ANLN: variants seen among roughly 807,000 people sequenced by gnomAD.
ANLN encodes the protein anillin.
ANLN carries 59 observed loss-of-function variants against 135.1 expected under a neutral mutation model. That is an observed-to-expected ratio of 0.44 (90% CI 0.35 to 0.54). The LOEUF is 0.54. ANLN is among the 20% of genes least tolerant of loss of function. ANLN has a pLI of 0.00. For missense variants in ANLN, 1,182 were observed against 1,340.0 expected (o/e 0.88, Z 1.84); for synonymous variants, 406 against 456.4 (o/e 0.89, Z 1.41).
At chr7:36,409,521 A>G (rs996844645) in intron 5 of ANLN, among the ~76,000 whole-genome samples, 7 of 152,340 alleles carry the variant, frequency 4.6e-5, no homozygotes, top group Non-Finnish European at 8.8e-5. Flanking sequence ...AGGAAAATAT[A>G]TGCTAATCTT....
Position 36,452,956 on chromosome 7 carries a change from G to T in ANLN, c.*356G>T, listed in dbSNP as rs78095444. Reference sequence around the variant, plus strand: ...GGTCTTGAAGCAGCAACGTCTTTCAGGGGTTGGAGACAGAAACCCATTCTC... The same window carrying T: ...GGTCTTGAAGCAGCAACGTCTTTCATGGGTTGGAGACAGAAACCCATTCTC... On this transcript the variant is annotated 3_prime_UTR_variant, in exon 24 of 24. Coordinates refer to ENST00000265748, the MANE Select transcript of ANLN (RefSeq NM_018685.5). The T allele has an allele frequency of 8.7e-3, 1,434 of 164,190 alleles. 21 individuals carry two copies. Among genetic ancestry groups the T allele is most frequent in the African/African-American group, 0.033 (1,359 of 41,724 alleles). The allele number at this position is 164,190 out of a possible 1,614,324, so 10.2% of individuals were successfully genotyped here. A position where few individuals can be genotyped will look rare whatever the true frequency, so the allele number is the denominator to read the frequency against.
chr7:36,407,107 GT>G (rs1562791659), intron 4 of ANLN, among the ~76,000 whole-genome samples: 1 of 151,988 alleles, frequency 6.6e-6, no homozygotes, highest in Non-Finnish European at 1.5e-5. Flanking sequence ...AAATAATTTC[GT>G]GTTTCTGACC....
chr7:36,398,183 T>TTA (rs1554339364), intron 2 of ANLN, among the ~76,000 whole-genome samples: 5 of 152,002 alleles, frequency 3.3e-5, no homozygotes, highest in East Asian at 1.9e-4. Context: ...TTTTTTTTTT[T>TTA]AATTTTAGGG....
At position 36,423,845 on chromosome 7, in the gene ANLN, A is replaced by G. The variant is rs995952098; in HGVS notation, c.2505A>G (p.Ile835Met). 4.3e-6 allele frequency: 7 copies of G among 1,611,900 alleles called. No individual in the cohort carries two copies. Among genetic ancestry groups the G allele is most frequent in the Non-Finnish European group, 4.2e-6 (5 of 1,179,014 alleles). ...CAGCAAATTACTATTACTTAATTAT[A>G]CTAAAAGCAGGAGCTGAAAATATGG... is the stretch of plus-strand genomic sequence containing the variant. ...PDAANYYYLI[I>M]LKAGAENMVA... Residue 835 changes from isoleucine to methionine, a missense_variant, in exon 15 of 24, where the codon ATA becomes ATG. This residue lies in a region of ANLN where 1,022 missense variants were observed against 1,134.0 expected (regional missense o/e 0.90). Transcript: ENST00000265748.
chr7:36,397,566 C>T (rs886703230), intron 2 of ANLN, among the ~76,000 whole-genome samples: 1 of 151,480 alleles, frequency 6.6e-6, no homozygotes, highest in South Asian at 2.1e-4. Flanking sequence ...GAAAATAGAT[C>T]GATAAGTGAG....
At chr7:36,444,073 T>C (rs1788889798) in intron 22 of ANLN, among the ~76,000 whole-genome samples, 1 of 152,192 alleles carries the variant, frequency 6.6e-6, no homozygotes, top group South Asian at 2.1e-4. Context: ...GCAGATCACC[T>C]GAGGTCAGGA....
intron 21 of ANLN, 118 bp downstream of exon 21, chr7:36,439,408 G>A (rs1210230547): frequency 1.6e-6 from 1 of 632,244 alleles, no homozygotes; most frequent in Non-Finnish European, 2.7e-6. Context: ...GTAAAGATTT[G>A]TTTTATGTCC....
Position 36,427,751 on chromosome 7 carries a change from C to T in ANLN, c.2883+723C>T, listed in dbSNP as rs73332646. ...GATTAACCTCTTAGAAAAGTACTTA[C>T]GAATCTAAGAGATTTCCTTCTCATA... is the stretch of plus-strand genomic sequence containing the variant. On this transcript the variant is annotated intron_variant, in intron 20 of 23. Transcript: ENST00000265748. Among the ~76,000 whole-genome samples, 447 of 152,264 alleles carry T rather than the reference C, an allele frequency of 2.9e-3. 1 individual carries two copies. The highest frequency in any genetic ancestry group is 0.01 in the African/African-American group (421 of 41,562).
intron 8 of ANLN, 103 bp downstream of exon 8, chr7:36,415,987 G>A (rs979028412): frequency 1.0e-4 from 100 of 1,002,768 alleles, no homozygotes; most frequent in African/African-American, 1.7e-4. Flanking sequence ...TTGTTCTAAC[G>A]TTTTTTGGGG....
chr7:36,430,865 G>A (rs1186199146), intron 20 of ANLN, among the ~76,000 whole-genome samples: 2 of 152,076 alleles, frequency 1.3e-5, no homozygotes, highest in Non-Finnish European at 2.9e-5. Flanking sequence ...TGTCTTAAAA[G>A]ACTCCTTTGT....
At chr7:36,427,175 G>T in intron 20 of ANLN, 147 bp downstream of exon 20, 1 of 504,682 alleles carries the variant, frequency 2.0e-6, no homozygotes, top group Non-Finnish European at 3.5e-6. Flanking sequence ...TGCTAGGTAT[G>T]AGTGTACCTA....
chr7:36,421,872 A>G lies in ANLN; in HGVS notation c.2179A>G (p.Ile727Val), dbSNP rs1397899423. Residue 727 changes from isoleucine (I) to valine (V), a missense_variant, in exon 13 of 24, where the codon ATA becomes GTA. Coordinates refer to ENST00000265748, the MANE Select transcript of ANLN (RefSeq NM_018685.5). ...GTTTTCCTAGGAACTCAATAACGAA[A>G]TAAATATGCAACAGACAGTGATCTA... Reference protein sequence around the residue: ...KQKMQELNNEINMQQTVIYQA... With the variant: ...KQKMQELNNEVNMQQTVIYQA... 1 of 1,608,384 alleles carries G rather than the reference A, an allele frequency of 6.2e-7. No individual in the cohort carries two copies. Among genetic ancestry groups the G allele is most frequent in the Non-Finnish European group, 8.5e-7 (1 of 1,177,850 alleles).
At chr7:36,400,369 T>C (rs1786893181) in intron 3 of ANLN, among the ~76,000 whole-genome samples, 1 of 151,550 alleles carries the variant, frequency 6.6e-6, no homozygotes, top group Non-Finnish European at 1.5e-5. Flanking sequence ...TTTTCTTTTC[T>C]TTTTTTTTGA....
intron 1 of ANLN, among the ~76,000 whole-genome samples, chr7:36,391,543 C>T (rs1002253532): frequency 2.0e-5 from 3 of 152,230 alleles, no homozygotes; most frequent in African/African-American, 7.2e-5. Context: ...GCTTAGACGT[C>T]TTTTCCTTAA....
Position 36,407,726 on chromosome 7 carries a change from T to C in ANLN, c.874-8T>C, listed in dbSNP as rs1351320018. The C allele has an allele frequency of 2.5e-6, 4 of 1,578,918 alleles. No homozygotes were observed. The highest frequency in any genetic ancestry group is 2.6e-6 in the Non-Finnish European group (3 of 1,157,818). ...ATGTTGTTTACCCTAAGTGTTTTCATGTTTCAGAAAGCTACTTCTCCAGTG... is the reference window on the plus strand; with the variant it reads ...ATGTTGTTTACCCTAAGTGTTTTCACGTTTCAGAAAGCTACTTCTCCAGTG... On this transcript the variant is annotated splice_polypyrimidine_tract_variant and splice_region_variant and intron_variant, in intron 4 of 23. Coordinates refer to ENST00000265748, the MANE Select transcript of ANLN (RefSeq NM_018685.5).
rs769026480 is a variant in ANLN, at chr7:36,399,208, T to C, written c.302T>C (p.Val101Ala). Residue 101 changes from valine to alanine, a missense_variant, in exon 3 of 24, where the codon GTG (valine) becomes GCG (alanine). By Grantham distance (64) the Val-to-Ala change is moderately conservative. Transcript: ENST00000265748. Reference protein sequence around the residue: ...TSAKSCSPSPVSPQVQPQAAD... With the variant: ...TSAKSCSPSPASPQVQPQAAD... ...GCAAAATCTTGTTCTCCAAGTCCTG[T>C]GTCTCCTCAGGTGCAGCCACAAGCA... 6.2e-7 allele frequency: 1 copy of C among 1,614,190 alleles called. No homozygotes were observed. Among genetic ancestry groups the C allele is most frequent in the East Asian group, 2.2e-5 (1 of 44,880 alleles).
intron 22 of ANLN, among the ~76,000 whole-genome samples, chr7:36,444,758 TATATA>T (rs1458887341): frequency 1.3e-5 from 2 of 152,010 alleles, no homozygotes; most frequent in Admixed American, 6.5e-5. Context: ...AAATGTATAA[TATATA>T]ATAATTATTC....
chr7:36,443,967 C>A (rs1788885677), intron 22 of ANLN, 105 bp downstream of exon 22: 5 of 752,994 alleles, frequency 6.6e-6, no homozygotes, highest in Admixed American at 2.8e-5. Context: ...AATTAATAAC[C>A]CTTTTTGTGT....
In ANLN at chr7:36,422,671, T is replaced by C; in HGVS notation, c.2338T>C (p.Leu780=). The C allele has an allele frequency of 1.2e-6, 2 of 1,610,924 alleles. No homozygotes were observed. Among genetic ancestry groups the C allele is most frequent in the East Asian group, 4.5e-5 (2 of 44,826 alleles). ...ACTTTTGATTGATGAATTGAATAAA[T>C]TGAAGAACGAAGGACCTCAGAGGAA... The part of the protein sequence containing the change: ...RTLLIDELNK[L]KNEGPQRKNK... The change falls in exon 14 of 24, where the codon TTG becomes CTG. Residue 780 remains leucine, a synonymous_variant. Coordinates refer to ENST00000265748, the MANE Select transcript of ANLN (RefSeq NM_018685.5).
Sources: allele counts gnomAD v4.1 joint callset (sites outside exome capture counted in the v4.1 genomes callset), GRCh38; gene constraint gnomAD v4.1.1; regional missense constraint gnomAD v4.1.1; transcripts MANE v1.5; gene names NCBI Gene and HGNC (gene_info 2026-07-23, HGNC 2026-07-21).